The following EYS variants were observed in gnomAD, a reference collection of about 807,000 sequenced individuals.
The protein encoded by EYS is protein eyes shut homolog.
In EYS, 250 loss-of-function variants were observed where a neutral mutation model predicts 282.1. That is an observed-to-expected ratio of 0.89 (90% CI 0.80 to 0.98). The LOEUF is 0.98. EYS is among the 50% of genes least tolerant of loss of function. The probability of loss-of-function intolerance (pLI) is 0.00; values close to 1 mark genes in which losing one functional copy is unlikely to be tolerated. For missense variants in EYS, 4,016 were observed against 3,709.0 expected, an observed-to-expected ratio of 1.08 and a Z score of -2.15; for synonymous variants, 1,355 against 1,282.9, an observed-to-expected ratio of 1.06 and a Z score of -1.20.
At chr6:65,301,491 C>A (rs1340524230) in intron 11 of EYS, among the ~76,000 whole-genome samples, 2 of 152,194 alleles carry the variant, frequency 1.3e-5, no homozygotes, top group Admixed American at 1.3e-4. Context: ...TGGTTTTCTG[C>A]TAGTGCTGCT....
intron 31 of EYS, among the ~76,000 whole-genome samples, chr6:64,148,885 T>C (rs1774610340): frequency 6.6e-6 from 1 of 152,140 alleles, no homozygotes; most frequent in African/African-American, 2.4e-5. Flanking sequence ...AGAAAAAATA[T>C]TGCAACTTTA....
At chr6:64,555,066 C>T (rs1261326836) in intron 26 of EYS, among the ~76,000 whole-genome samples, 1 of 151,876 alleles carries the variant, frequency 6.6e-6, no homozygotes, top group Non-Finnish European at 1.5e-5. Flanking sequence ...GATATACTTC[C>T]TTTCATGTTT....
chr6:65,289,873 A>T (rs576420582), intron 12 of EYS, among the ~76,000 whole-genome samples: 1 of 151,312 alleles, frequency 6.6e-6, no homozygotes. Flanking sequence ...GCAAAAATAT[A>T]CCAAAAAGCA....
chr6:63,907,244 T>C (rs1172189202), intron 35 of EYS, among the ~76,000 whole-genome samples: 1 of 152,204 alleles, frequency 6.6e-6, no homozygotes, highest in Admixed American at 6.5e-5. Context: ...CGTTTTCCCC[T>C]TTCTTTCTAA....
chr6:64,966,177 G>C (rs1355208929), intron 14 of EYS, among the ~76,000 whole-genome samples: 2 of 152,000 alleles, frequency 1.3e-5, no homozygotes, highest in African/African-American at 4.8e-5. Flanking sequence ...CTGAGTTGTT[G>C]CTTTATTATT....
intron 16 of EYS, among the ~76,000 whole-genome samples, chr6:64,909,323 T>C (rs1767923219): frequency 6.6e-6 from 1 of 152,122 alleles, no homozygotes; most frequent in South Asian, 2.1e-4. Flanking sequence ...TACAATAAAA[T>C]AAATTTCTAG....
At chr6:64,069,830 A>C (rs1771508598) in intron 32 of EYS, among the ~76,000 whole-genome samples, 1 of 152,152 alleles carries the variant, frequency 6.6e-6, no homozygotes, top group South Asian at 2.1e-4. Context: ...TTACCATTTA[A>C]AACCATGAAA....
chr6:63,772,132 G>C (rs1051225803), intron 40 of EYS, among the ~76,000 whole-genome samples: 4 of 149,236 alleles, frequency 2.7e-5, no homozygotes, highest in Non-Finnish European at 5.9e-5. Flanking sequence ...CTTTTTAGCA[G>C]ATATAGCTGG....
intron 36 of EYS, among the ~76,000 whole-genome samples, chr6:63,838,689 T>C (rs1771871851): frequency 6.6e-6 from 1 of 152,158 alleles, no homozygotes; most frequent in South Asian, 2.1e-4. Flanking sequence ...CATATCCATC[T>C]CCCACATAGG....
intron 2 of EYS, among the ~76,000 whole-genome samples, chr6:65,559,096 G>A (rs989843143): frequency 1.3e-5 from 2 of 152,238 alleles, no homozygotes; most frequent in African/African-American, 4.8e-5. Flanking sequence ...GCCAGGTGCA[G>A]TGGCTCATGC....
chr6:64,604,116 T>C (rs545638200), intron 24 of EYS, among the ~76,000 whole-genome samples: 13 of 152,088 alleles, frequency 8.5e-5, no homozygotes, highest in African/African-American at 3.1e-4. Flanking sequence ...TCTCTTTCTC[T>C]TGGTTTAGAA....
At chr6:65,402,131 T>A (rs1321420092) in intron 7 of EYS, among the ~76,000 whole-genome samples, 1 of 151,734 alleles carries the variant, frequency 6.6e-6, no homozygotes, top group African/African-American at 2.4e-5. Flanking sequence ...ATATTATATA[T>A]GTATAACAAA....
At chr6:64,205,013 A>G (rs1450248259) in intron 31 of EYS, among the ~76,000 whole-genome samples, 1 of 152,164 alleles carries the variant, frequency 6.6e-6, no homozygotes, top group Non-Finnish European at 1.5e-5. Flanking sequence ...TAAATTGTTA[A>G]CAATAGAATT....
intron 31 of EYS, among the ~76,000 whole-genome samples, chr6:64,197,424 T>C (rs187537873): frequency 7.2e-5 from 11 of 152,294 alleles, no homozygotes; most frequent in Non-Finnish European, 1.0e-4. Context: ...TCCCAACAGT[T>C]TGAGAAGCTC....
intron 12 of EYS, among the ~76,000 whole-genome samples, chr6:65,221,817 C>T (rs541056515): frequency 6.6e-6 from 1 of 152,152 alleles, no homozygotes; most frequent in Non-Finnish European, 1.5e-5. Context: ...GGGGCTGTAC[C>T]CTGCAAAGCC....
chr6:65,007,245 G>A (rs995681621), intron 13 of EYS, among the ~76,000 whole-genome samples: 1 of 152,108 alleles, frequency 6.6e-6, no homozygotes, highest in South Asian at 2.1e-4. Flanking sequence ...AATGCTCATC[G>A]GAAAATGACT....
At chr6:65,684,868 T>G (rs936836824) in intron 1 of EYS, among the ~76,000 whole-genome samples, 1 of 151,962 alleles carries the variant, frequency 6.6e-6, no homozygotes, top group South Asian at 2.1e-4. Context: ...GTTTTTCTTT[T>G]GTCTTCAACC....
intron 5 of EYS, among the ~76,000 whole-genome samples, chr6:65,447,345 T>A (rs1215807694): frequency 6.4e-5 from 9 of 141,564 alleles, no homozygotes; most frequent in African/African-American, 2.0e-4. Context: ...TATATATATA[T>A]AAATATATGT....
At chr6:65,299,188 C>T (rs903175932) in intron 11 of EYS, among the ~76,000 whole-genome samples, 17 of 152,018 alleles carry the variant, frequency 1.1e-4, no homozygotes, top group African/African-American at 3.9e-4. Context: ...ATTAAAAAAT[C>T]TGTCCTATTT....
Sources: allele counts gnomAD v4.1 joint callset (sites outside exome capture counted in the v4.1 genomes callset), GRCh38; gene constraint gnomAD v4.1.1; transcripts MANE v1.5; gene names NCBI Gene and HGNC (gene_info 2026-07-23, HGNC 2026-07-21).